The following BACE2 variants were observed in gnomAD, a reference collection of about 807,000 sequenced individuals.
The protein encoded by BACE2 is 56 kDa aspartic-like protease.
In BACE2, 17 loss-of-function variants were observed where a neutral mutation model predicts 46.2. The observed-to-expected ratio is 0.37, with a 90% CI of 0.25 to 0.55. The LOEUF is 0.55. Ranked by LOEUF, BACE2 falls within the 20% of genes least tolerant of loss-of-function variation. The pLI is 0.82. For synonymous variants in BACE2, 277 were observed against 295.9 expected (o/e 0.94, Z 0.66); for missense variants, 595 against 698.1 (o/e 0.85, Z 1.66).
Position 41,246,009 on chromosome 21 carries a change from C to T in BACE2, c.930C>T (p.Arg310=), listed in dbSNP as rs2123609289. ...AIVDSGTTLL[R]LPQKVFDAVV... ...TGGACAGTGGCACCACGCTGCTGCG[C>T]CTGCCCCAGAAGGTGTTTGATGCGG... The change falls in exon 6 of 9, where the codon CGC becomes CGT. Residue 310 remains arginine (R), a synonymous_variant. Coordinates refer to ENST00000330333, the MANE Select transcript of BACE2 (RefSeq NM_012105.5). 6.2e-7 allele frequency: 1 copy of T among 1,611,526 alleles called. No individual in the cohort carries two copies. The highest frequency in any genetic ancestry group is 8.5e-7 in the Non-Finnish European group (1 of 1,178,996).
intron 2 of BACE2, among the ~76,000 whole-genome samples, chr21:41,232,405 A>C (rs1245247179): frequency 6.6e-6 from 1 of 152,218 alleles, no homozygotes; most frequent in Non-Finnish European, 1.5e-5. Flanking sequence ...GAGTAGCTCT[A>C]TAGGAGCATT....
In BACE2 at chr21:41,275,651, A is replaced by T; in HGVS notation, c.*27A>T. The T allele has an allele frequency of 1.2e-6, 2 of 1,608,942 alleles. No individual in the cohort carries two copies. Among genetic ancestry groups the T allele is most frequent in the Non-Finnish European group, 8.5e-7 (1 of 1,176,524 alleles). On this transcript the variant is annotated 3_prime_UTR_variant, in exon 9 of 9. Coordinates refer to ENST00000330333, the MANE Select transcript of BACE2 (RefSeq NM_012105.5). ...TAGCCAGGCCTGACCTCAAGCAACC[A>T]TGAACTCAGCTATTAAGAAAATCAC...
At position 41,275,379 on chromosome 21, in the gene BACE2, G is replaced by A. The variant is rs748031811; in HGVS notation, c.1312G>A (p.Gly438Ser). 1 of 1,614,130 alleles carries A rather than the reference G, an allele frequency of 6.2e-7. No individual in the cohort carries two copies. Among genetic ancestry groups the A allele is most frequent in the South Asian group, 1.1e-5 (1 of 91,076 alleles). The change falls in exon 9 of 9, where the codon GGT (glycine) becomes AGT (serine). Residue 438 changes from glycine (G) to serine (S), a missense_variant. Around this residue, in one of 3 missense-constraint regions of BACE2, gnomAD observed 343 missense variants for 419.4 expected, o/e 0.82. Transcript: ENST00000330333. ...FAASPCAEIA[G>S]AAVSEISGPF... Reference sequence around the variant, plus strand: ...CCTTTCTGTCTCCCCAGAAATTGCAGGTGCTGCAGTGTCTGAAATTTCCGG... The same window carrying A: ...CCTTTCTGTCTCCCCAGAAATTGCAAGTGCTGCAGTGTCTGAAATTTCCGG...
At chr21:41,245,232 C>T (rs1476982808) in intron 5 of BACE2, among the ~76,000 whole-genome samples, 3 of 152,236 alleles carry the variant, frequency 2.0e-5, no homozygotes, top group African/African-American at 7.2e-5. Flanking sequence ...CCTTTTGACC[C>T]GATTGGTGTA....
At chr21:41,211,111 T>C (rs1276185290) in intron 1 of BACE2, among the ~76,000 whole-genome samples, 1 of 152,172 alleles carries the variant, frequency 6.6e-6, no homozygotes, top group Non-Finnish European at 1.5e-5. Flanking sequence ...TGCTAAGCAT[T>C]TGGTGGAAAA....
intron 7 of BACE2, among the ~76,000 whole-genome samples, chr21:41,255,209 T>C (rs1987748533): frequency 6.6e-6 from 1 of 151,936 alleles, no homozygotes; most frequent in African/African-American, 2.4e-5. Flanking sequence ...GAAATGCCGA[T>C]TGAGAGGTGG....
At chr21:41,236,864 C>T (rs573394458) in intron 2 of BACE2, among the ~76,000 whole-genome samples, 3 of 152,186 alleles carry the variant, frequency 2.0e-5, no homozygotes, top group Non-Finnish European at 4.4e-5. Context: ...TCGTGTCCTA[C>T]GGTGGCCAAA....
In BACE2 at chr21:41,178,144, T is replaced by C. The variant is rs181257135; in HGVS notation, c.312+9569T>C. On this transcript the variant is annotated intron_variant, in intron 1 of 8. Transcript: ENST00000330333. ...GTCCAAAATGGCAACCATGCCAAGA[T>C]TGAGAAATCCTGGTTACTCGACACA... 5 of 152,364 alleles carry C rather than the reference T, an allele frequency of 3.3e-5. No homozygotes were observed. In the East Asian group the frequency reaches 7.7e-4, roughly 24 times the overall value. 9.4% of individuals were successfully genotyped at this position (152,364 alleles called of 1,614,324 possible).
intron 1 of BACE2, among the ~76,000 whole-genome samples, chr21:41,195,797 A>G (rs982677371): frequency 6.6e-6 from 1 of 152,220 alleles, no homozygotes; most frequent in Non-Finnish European, 1.5e-5. Flanking sequence ...GTATGACCAC[A>G]AAGCTTTTCG....
intron 4 of BACE2, 143 bp from the exon 5 acceptor site, chr21:41,243,233 T>G: frequency 3.0e-6 from 2 of 664,874 alleles, no homozygotes; most frequent in Non-Finnish European, 4.6e-6. Flanking sequence ...TTTTAAGCAT[T>G]GATATTTGTT....
chr21:41,251,872 C>T (rs1257529218), intron 7 of BACE2, among the ~76,000 whole-genome samples: 1 of 151,998 alleles, frequency 6.6e-6, no homozygotes, highest in African/African-American at 2.4e-5. Context: ...AAGGTGAAGA[C>T]ATCATTTTTT....
chr21:41,174,139 CTTT>C (rs1328562900), intron 1 of BACE2, among the ~76,000 whole-genome samples: 6 of 48,500 alleles, frequency 1.2e-4, no homozygotes, highest in Non-Finnish European at 1.9e-4. Flanking sequence ...GATCAGTGGC[CTTT>C]TTTTTTTTTT....
chr21:41,206,131 A>G (rs1986114158), intron 1 of BACE2, among the ~76,000 whole-genome samples: 1 of 152,194 alleles, frequency 6.6e-6, no homozygotes, highest in African/African-American at 2.4e-5. Context: ...TGGCTTATAA[A>G]TAATGTCAAT....
intron 7 of BACE2, among the ~76,000 whole-genome samples, chr21:41,251,774 C>T (rs1411469017): frequency 6.6e-6 from 1 of 151,906 alleles, no homozygotes; most frequent in Non-Finnish European, 1.5e-5. Flanking sequence ...GCACTGCAGC[C>T]TGGCGACAGA....
chr21:41,175,715 G>A (rs1047315651), intron 1 of BACE2: 4 of 152,402 alleles, frequency 2.6e-5, no homozygotes, highest in African/African-American at 9.6e-5. Flanking sequence ...GAGGTGGAAA[G>A]CATTGAATCA....
intron 3 of BACE2, 88 bp from the exon 4 acceptor site, chr21:41,241,731 T>A: frequency 2.0e-6 from 3 of 1,479,582 alleles, no homozygotes; most frequent in Non-Finnish European, 2.8e-6. Flanking sequence ...ACACCAGGAA[T>A]GTCTGTGGCG....
At chr21:41,233,507 G>A (rs1045115650) in intron 2 of BACE2, among the ~76,000 whole-genome samples, 4 of 152,218 alleles carry the variant, frequency 2.6e-5, no homozygotes, top group African/African-American at 9.6e-5. Context: ...CCAGCAACCT[G>A]AGCAGGAAAC....
Position 41,275,562 on chromosome 21 carries a change from C to A in BACE2, c.1495C>A (p.Arg499Ser). The change falls in exon 9 of 9, where the codon CGC becomes AGC. Residue 499 changes from arginine to serine, a missense_variant. By Grantham distance (110) the Arg-to-Ser change is moderately radical. Coordinates refer to ENST00000330333, the MANE Select transcript of BACE2 (RefSeq NM_012105.5). ...GCTGCTGCCGTTCCGGTGTCAGCGT[C>A]GCCCCCGTGACCCTGAGGTCGTCAA... ...LLLLPFRCQR[R>S]PRDPEVVNDE... 1 of 1,614,086 alleles carries A rather than the reference C, an allele frequency of 6.2e-7. No individual in the cohort carries two copies. Among genetic ancestry groups the A allele is most frequent in the East Asian group, 2.2e-5 (1 of 44,872 alleles).
intron 2 of BACE2, among the ~76,000 whole-genome samples, chr21:41,235,145 G>C (rs558731275): frequency 3.9e-5 from 6 of 152,260 alleles, no homozygotes; most frequent in Admixed American, 3.3e-4. Flanking sequence ...CACAAGAATA[G>C]GAGTCCTCCC....
Sources: gnomAD v4.1 joint callset for allele counts (sites outside exome capture counted in the v4.1 genomes callset) on GRCh38, gnomAD v4.1.1 for gene constraint, gnomAD v4.1.1 regional missense constraint, MANE v1.5 for transcripts, NCBI Gene and HGNC (gene_info 2026-07-23, HGNC 2026-07-21) for gene names.